GRXCR1: variants seen among roughly 807,000 people sequenced by gnomAD.
The protein encoded by GRXCR1 is glutaredoxin domain-containing cysteine-rich protein 1.
A neutral mutation model predicts 27.3 loss-of-function variants in GRXCR1; 27 were observed. The ratio of observed to expected loss-of-function variants is 0.99; its 90% CI spans 0.73 to 1.37. The LOEUF is 1.37. Among genes scored for constraint, GRXCR1 ranks in the 40% most tolerant of loss-of-function variants. GRXCR1 has a pLI of 0.00. For missense variants in GRXCR1, 379 were observed against 354.4 expected, an observed-to-expected ratio of 1.07 and a Z score of -0.56; for synonymous variants, 122 against 131.1, an observed-to-expected ratio of 0.93 and a Z score of 0.47.
chr4:43,016,155 G>A (rs768494501), intron 2 of GRXCR1, among the ~76,000 whole-genome samples: 1 of 152,186 alleles, frequency 6.6e-6, no homozygotes, highest in Non-Finnish European at 1.5e-5. Context: ...GTGTAAAATA[G>A]ATTGCTTATG....
At chr4:42,923,085 T>A (rs971832730) in intron 1 of GRXCR1, among the ~76,000 whole-genome samples, 1 of 152,094 alleles carries the variant, frequency 6.6e-6, no homozygotes, top group African/African-American at 2.4e-5. Flanking sequence ...CTCTCAATCT[T>A]GATGAATGAT....
chr4:42,995,951 A>G (rs142483368), intron 2 of GRXCR1, among the ~76,000 whole-genome samples: 20 of 152,298 alleles, frequency 1.3e-4, no homozygotes, highest in African/African-American at 3.6e-4. Context: ...TTTATCTACT[A>G]CTATGGGTCC....
intron 2 of GRXCR1, among the ~76,000 whole-genome samples, chr4:43,008,819 T>G (rs980584153): frequency 2.9e-4 from 44 of 152,244 alleles, no homozygotes; most frequent in African/African-American, 1.1e-3. Context: ...TATATTTTTG[T>G]GTTTGTTTCC....
intron 2 of GRXCR1, among the ~76,000 whole-genome samples, chr4:43,005,298 T>C (rs1270938968): frequency 2.6e-5 from 4 of 152,204 alleles, no homozygotes; most frequent in Admixed American, 6.5e-5. Context: ...CTTCACCAAT[T>C]ACTGAGTCTC....
chr4:42,934,581 C>T (rs1011107644), intron 1 of GRXCR1, among the ~76,000 whole-genome samples: 1 of 151,888 alleles, frequency 6.6e-6, no homozygotes, highest in Non-Finnish European at 1.5e-5. Context: ...TAACAGAATG[C>T]TACACATTTC....
At chr4:42,964,887 G>A (rs182847317) in intron 2 of GRXCR1, among the ~76,000 whole-genome samples, 3 of 152,108 alleles carry the variant, frequency 2.0e-5, no homozygotes, top group Admixed American at 1.3e-4. Context: ...CCACACTAGG[G>A]AGAAAATGTA....
At chr4:43,004,943 G>A (rs1020227194) in intron 2 of GRXCR1, among the ~76,000 whole-genome samples, 3 of 152,072 alleles carry the variant, frequency 2.0e-5, no homozygotes, top group Admixed American at 6.6e-5. Context: ...CATGAGATTT[G>A]GGAGGGTTCA....
At chr4:42,927,443 T>C (rs1018722714) in intron 1 of GRXCR1, among the ~76,000 whole-genome samples, 8 of 152,112 alleles carry the variant, frequency 5.3e-5, no homozygotes, top group South Asian at 2.1e-4. Flanking sequence ...TCTGACAGTA[T>C]GTAACCTAGA....
chr4:42,915,741 A>G (rs1273319188), intron 1 of GRXCR1, among the ~76,000 whole-genome samples: 2 of 152,142 alleles, frequency 1.3e-5, no homozygotes, highest in African/African-American at 4.8e-5. Flanking sequence ...TCAAGCAGTG[A>G]TTCTGGCTTC....
At chr4:42,918,576 A>G (rs1746937984) in intron 1 of GRXCR1, among the ~76,000 whole-genome samples, 1 of 152,136 alleles carries the variant, frequency 6.6e-6, no homozygotes, top group Non-Finnish European at 1.5e-5. Context: ...TTGCCTTGAA[A>G]GAGCAGATGA....
At chr4:42,953,855 T>A (rs1393057696) in intron 1 of GRXCR1, among the ~76,000 whole-genome samples, 1 of 152,102 alleles carries the variant, frequency 6.6e-6, no homozygotes, top group African/African-American at 2.4e-5. Context: ...TTCATTAGTC[T>A]TCCTAATAAG....
At chr4:42,998,810 G>T (rs1356685304) in intron 2 of GRXCR1, among the ~76,000 whole-genome samples, 1 of 152,106 alleles carries the variant, frequency 6.6e-6, no homozygotes, top group Non-Finnish European at 1.5e-5. Flanking sequence ...CATTCTTCTT[G>T]ACTATGGTCA....
At chr4:42,978,523 A>C (rs1748575557) in intron 2 of GRXCR1, among the ~76,000 whole-genome samples, 1 of 151,846 alleles carries the variant, frequency 6.6e-6, no homozygotes, top group African/African-American at 2.4e-5. Flanking sequence ...TTTTACTTCA[A>C]TAAATTTATT....
chr4:42,937,778 A>G (rs1238817069), intron 1 of GRXCR1, among the ~76,000 whole-genome samples: 1 of 151,912 alleles, frequency 6.6e-6, no homozygotes, highest in Non-Finnish European at 1.5e-5. Flanking sequence ...ATGTTTTTAA[A>G]GTTTTTATTT....
intron 1 of GRXCR1, among the ~76,000 whole-genome samples, chr4:42,907,407 G>T (rs1445825493): frequency 6.6e-6 from 1 of 152,154 alleles, no homozygotes; most frequent in Non-Finnish European, 1.5e-5. Flanking sequence ...ACTGCTGTTG[G>T]CTTTGAAATG....
At chr4:42,902,008 G>A (rs926258726) in intron 1 of GRXCR1, among the ~76,000 whole-genome samples, 1 of 152,130 alleles carries the variant, frequency 6.6e-6, no homozygotes, top group Non-Finnish European at 1.5e-5. Flanking sequence ...CTGTAGTTAC[G>A]TATATGATGC....
At chr4:42,954,967 C>T (rs1376842983) in intron 1 of GRXCR1, among the ~76,000 whole-genome samples, 1 of 152,136 alleles carries the variant, frequency 6.6e-6, no homozygotes, top group African/African-American at 2.4e-5. Flanking sequence ...AGAAGAATCT[C>T]ATAATGCACA....
intron 2 of GRXCR1, among the ~76,000 whole-genome samples, chr4:43,003,389 T>C (rs1165500553): frequency 6.6e-6 from 1 of 152,122 alleles, no homozygotes; most frequent in South Asian, 2.1e-4. Flanking sequence ...GCTATAAAGA[T>C]ACCTGAAAAC....
chr4:42,981,179 CTTTT>C (rs745705497), intron 2 of GRXCR1, among the ~76,000 whole-genome samples: 1 of 138,726 alleles, frequency 7.2e-6, no homozygotes, highest in African/African-American at 2.7e-5. Context: ...TTTTTACTTT[CTTTT>C]TCTTTTTGCT....
Sources: allele counts gnomAD v4.1 joint callset (sites outside exome capture counted in the v4.1 genomes callset), GRCh38; gene constraint gnomAD v4.1.1; transcripts MANE v1.5; gene names NCBI Gene and HGNC (gene_info 2026-07-23, HGNC 2026-07-21).